The following NCOA1 variants were observed in gnomAD, a reference collection of about 807,000 sequenced individuals.
The protein encoded by NCOA1 is nuclear receptor coactivator 1.
A neutral mutation model predicts 150.9 loss-of-function variants in NCOA1; 35 were observed. The observed-to-expected ratio is 0.23, with a 90% CI of 0.18 to 0.31. The LOEUF is 0.31. Ranked by LOEUF, NCOA1 falls within the 10% of genes least tolerant of loss-of-function variation. The pLI is 1.00. For missense variants in NCOA1, 1,491 were observed against 1,749.3 expected, an observed-to-expected ratio of 0.85 and a Z score of 2.63; for synonymous variants, 590 against 630.0, an observed-to-expected ratio of 0.94 and a Z score of 0.95.
rs1244570432 is a variant in NCOA1 at position 24,716,735 on chromosome 2, T to A, written c.2599+5624T>A. Among the ~76,000 whole-genome samples, 3 of 152,194 alleles carry A rather than the reference T, an allele frequency of 2.0e-5. 1 individual carries two copies. In the South Asian group the frequency reaches 6.2e-4, roughly 31 times the overall value. The stretch of plus-strand genomic sequence containing the variant: ...CTTCTGCTCTTTAAAGACCACCTCT[T>A]GAAAGAAAATGAATCAATAATCAAT... On this transcript the variant is annotated intron_variant, in intron 14 of 22. Transcript: ENST00000348332.
chr2:24,642,037 T>TGTGTGTGTGTGTGTGC lies in NCOA1; in HGVS notation c.-174-1928_-174-1927insTGTGTGTGTGTGTGCG, dbSNP rs942145000. On this transcript the variant is annotated intron_variant, in intron 3 of 22. Coordinates refer to ENST00000348332, the MANE Select transcript of NCOA1 (RefSeq NM_003743.5). Reference sequence around the variant, plus strand: ...GTGTGTGTGTGTGTGTGTGTGTGTGTGCGCGCGTGCGTATGTGTGTGTGTA... The same window carrying TGTGTGTGTGTGTGTGC: ...GTGTGTGTGTGTGTGTGTGTGTGTGTGTGTGTGTGTGTGTGCGCGCGCGTGCGTATGTGTGTGTGTA... Among the ~76,000 whole-genome samples, 688 of 138,500 alleles carry TGTGTGTGTGTGTGTGC rather than the reference T, an allele frequency of 5.0e-3. 5 individuals carry two copies. The highest frequency in any genetic ancestry group is 0.016 in the African/African-American group (641 of 39,106). The allele number at this position is 138,500 out of a possible 152,430, so 90.9% of individuals were successfully genotyped here.
intron 1 of NCOA1, among the ~76,000 whole-genome samples, chr2:24,541,802 G>C (rs1665410287): frequency 6.6e-6 from 1 of 152,172 alleles, no homozygotes; most frequent in South Asian, 2.1e-4. Flanking sequence ...ATAAGACTCA[G>C]AAGTTCTAAA....
chr2:24,648,605 T>C (rs1482559830), intron 4 of NCOA1, among the ~76,000 whole-genome samples: 4 of 152,100 alleles, frequency 2.6e-5, no homozygotes, highest in African/African-American at 9.7e-5. Context: ...CCTTTCCCTT[T>C]CAGGTTGGGA....
intron 8 of NCOA1, among the ~76,000 whole-genome samples, chr2:24,690,764 T>C (rs1224638866): frequency 6.6e-6 from 1 of 150,516 alleles, no homozygotes; most frequent in Non-Finnish European, 1.5e-5. Context: ...CTACCACACG[T>C]GGTTTTTACT....
intron 3 of NCOA1, among the ~76,000 whole-genome samples, chr2:24,586,074 A>C (rs957479092): frequency 2.0e-5 from 3 of 151,718 alleles, no homozygotes; most frequent in African/African-American, 7.3e-5. Context: ...CAGGAGTTGG[A>C]GACCAGCCTG....
intron 14 of NCOA1, 71 bp from the exon 15 acceptor site, chr2:24,726,518 T>C (rs1239926153): frequency 1.1e-6 from 1 of 904,134 alleles, no homozygotes; most frequent in Non-Finnish European, 1.7e-6. Context: ...CTCCAATATA[T>C]TATTTTTGAA....
chr2:24,735,946 G>A (rs1663277384), intron 17 of NCOA1, among the ~76,000 whole-genome samples: 2 of 152,198 alleles, frequency 1.3e-5, no homozygotes, highest in Non-Finnish European at 2.9e-5. Context: ...CATAGGCTGG[G>A]CACAGTGGCT....
intron 3 of NCOA1, among the ~76,000 whole-genome samples, chr2:24,634,117 T>C (rs889314270): frequency 4.3e-4 from 65 of 152,128 alleles, no homozygotes; most frequent in African/African-American, 1.5e-3. Flanking sequence ...TAAAACGTTA[T>C]ATTGTTTATG....
At chr2:24,555,381 T>C (rs2148236292) in intron 1 of NCOA1, among the ~76,000 whole-genome samples, 1 of 152,354 alleles carries the variant, frequency 6.6e-6, no homozygotes, top group East Asian at 1.9e-4. Context: ...CGGGCCAGAA[T>C]ACGGTCCATG....
At chr2:24,522,642 G>A (rs1372046304) in intron 1 of NCOA1, among the ~76,000 whole-genome samples, 1 of 152,176 alleles carries the variant, frequency 6.6e-6, no homozygotes, top group Admixed American at 6.5e-5. Flanking sequence ...GAACAACTGA[G>A]TAAGAGAATG....
chr2:24,734,791 A>G (rs1488322279), intron 17 of NCOA1, among the ~76,000 whole-genome samples: 3 of 148,478 alleles, frequency 2.0e-5, no homozygotes, highest in Non-Finnish European at 4.5e-5. Context: ...GTGGCAGAGC[A>G]AGACCTTGTC....
At chr2:24,581,589 T>TG (rs968980844) in intron 2 of NCOA1, among the ~76,000 whole-genome samples, 3 of 152,184 alleles carry the variant, frequency 2.0e-5, no homozygotes, top group Non-Finnish European at 2.9e-5. Flanking sequence ...TGGTTGGTTT[T>TG]GGGGGGAGTC....
chr2:24,664,175 T>C (rs893681867), intron 5 of NCOA1, among the ~76,000 whole-genome samples: 2 of 152,260 alleles, frequency 1.3e-5, no homozygotes, highest in African/African-American at 4.8e-5. Context: ...TGTCAAAATA[T>C]CTTGCTGCAT....
intron 3 of NCOA1, among the ~76,000 whole-genome samples, chr2:24,629,704 C>G (rs1401518868): frequency 1.3e-5 from 2 of 149,462 alleles, no homozygotes; most frequent in African/African-American, 4.9e-5. Context: ...AGAAAGGTGG[C>G]TGCCAAGTAG....
At chr2:24,611,940 G>A (rs958767687) in intron 3 of NCOA1, among the ~76,000 whole-genome samples, 6 of 152,050 alleles carry the variant, frequency 3.9e-5, no homozygotes, top group African/African-American at 7.2e-5. Context: ...GATATGTGAG[G>A]TTTTGATCCT....
Position 24,729,509 on chromosome 2 carries a change from A to G in NCOA1, c.2895A>G (p.Gly965=). 6.2e-7 allele frequency: 1 copy of G among 1,613,492 alleles called. No individual in the cohort carries two copies. The change falls in exon 17 of 23, where the codon GGA becomes GGG. Residue 965 remains glycine (G), a synonymous_variant. Transcript: ENST00000348332. The part of the protein sequence containing the change: ...LGIDKLVQGG[G]LDVLSERFPP... Reference sequence around the variant, plus strand: ...GGCTTCTTTTCTAACAGGGGGGTGGATTAGATGTATTATCAGAGAGATTTC... The same window carrying G: ...GGCTTCTTTTCTAACAGGGGGGTGGGTTAGATGTATTATCAGAGAGATTTC...
intron 1 of NCOA1, among the ~76,000 whole-genome samples, chr2:24,494,156 T>TG (rs1663097231): frequency 6.6e-6 from 1 of 152,160 alleles, no homozygotes; most frequent in Non-Finnish European, 1.5e-5. Context: ...GTGATGAGGG[T>TG]GGTATAGAGG....
At chr2:24,503,177 T>A (rs944949998) in intron 1 of NCOA1, among the ~76,000 whole-genome samples, 1 of 152,164 alleles carries the variant, frequency 6.6e-6, no homozygotes, top group Non-Finnish European at 1.5e-5. Context: ...AACTAGGGAT[T>A]TTCTTGACTA....
intron 11 of NCOA1, among the ~76,000 whole-genome samples, chr2:24,700,928 T>TTTTA (rs1673127286): frequency 6.6e-6 from 1 of 152,242 alleles, no homozygotes; most frequent in African/African-American, 2.4e-5. Context: ...TGATGTTTTA[T>TTTTA]GGGTAATCCC....
Sources: allele counts gnomAD v4.1 joint callset (sites outside exome capture counted in the v4.1 genomes callset), GRCh38; gene constraint gnomAD v4.1.1; transcripts MANE v1.5; gene names NCBI Gene and HGNC (gene_info 2026-07-23, HGNC 2026-07-21).